SMYD3: variants seen among roughly 807,000 people sequenced by gnomAD.
The protein encoded by SMYD3 is SET and MYND domain containing 3, also known as histone-lysine N-methyltransferase SMYD3.
Under a neutral mutation model 57.7 loss-of-function variants are expected in SMYD3, and 36 were observed. The ratio of observed to expected loss-of-function variants is 0.62; its 90% confidence interval spans 0.48 to 0.82. The LOEUF is 0.82. Among genes scored for constraint, SMYD3 ranks in the 40% least tolerant of loss-of-function variants. The pLI is 0.00. For missense variants in SMYD3, 515 were observed against 538.8 expected (o/e 0.96, Z 0.44); for synonymous variants, 211 against 195.0 (o/e 1.08, Z -0.68).
chr1:245,825,701 G>A (rs188755847), intron 10 of SMYD3, among the ~76,000 whole-genome samples: 15 of 152,256 alleles, frequency 9.9e-5, no homozygotes, highest in Admixed American at 7.2e-4. Context: ...GATGAGCACA[G>A]CAAGAAACAG....
intron 1 of SMYD3, among the ~76,000 whole-genome samples, chr1:246,374,435 G>A (rs1300203835): frequency 1.3e-5 from 2 of 152,124 alleles, no homozygotes; most frequent in Non-Finnish European, 2.9e-5. Context: ...TGCCTTCTCA[G>A]CTCTCACAGT....
intron 5 of SMYD3, among the ~76,000 whole-genome samples, chr1:246,317,662 G>T (rs570675855): frequency 1.3e-5 from 2 of 152,260 alleles, no homozygotes; most frequent in East Asian, 3.9e-4. Context: ...GTGAGGTAAT[G>T]CATATGTTAA....
chr1:246,401,178 GA>G (rs563120804), intron 1 of SMYD3, among the ~76,000 whole-genome samples: 71 of 152,130 alleles, frequency 4.7e-4, no homozygotes, highest in African/African-American at 1.7e-3. Context: ...CTTTCAAATG[GA>G]AAAAAGCTGA....
At chr1:246,278,213 A>G (rs528074210) in intron 5 of SMYD3, among the ~76,000 whole-genome samples, 3 of 150,796 alleles carry the variant, frequency 2.0e-5, no homozygotes, top group African/African-American at 7.3e-5. Context: ...ATGTATGTCG[A>G]TGTCCCTTTC....
intron 1 of SMYD3, among the ~76,000 whole-genome samples, chr1:246,491,762 T>C (rs2103069322): frequency 6.6e-6 from 1 of 152,198 alleles, no homozygotes; most frequent in African/African-American, 2.4e-5. Context: ...TACTATCAGG[T>C]AGGCAGGTGT....
At chr1:246,247,454 T>TATATATATATATATATATATA (rs2063724169) in intron 5 of SMYD3, among the ~76,000 whole-genome samples, 1 of 91,552 alleles carries the variant, frequency 1.1e-5, no homozygotes, top group African/African-American at 4.1e-5. Context: ...ACTCTCTCTC[T>TATATATATATATATATATATA]CTCTCTCTCT....
intron 5 of SMYD3, among the ~76,000 whole-genome samples, chr1:246,029,673 G>GAAAAAA (rs34698516): frequency 1.1e-5 from 1 of 88,146 alleles, no homozygotes; most frequent in Admixed American, 1.4e-4. Context: ...CTCTGTCTCA[G>GAAAAAA]AAAAAAAAAA....
chr1:246,202,953 C>T lies in SMYD3; in HGVS notation c.531+124248G>A, dbSNP rs549847327. ...CCAGCCTGGCCAATATGGGAAAACC[C>T]GTCTCTACTAAAAATACAAAATTTA... On this transcript the variant is annotated intron_variant, in intron 5 of 11. Transcript: ENST00000490107. This position sits in a 1 kb window ranked among gnomAD's most constrained non-coding sequence, Gnocchi z 4.1. 2.0e-5 allele frequency among the ~76,000 whole-genome samples: 3 copies of T among 152,052 alleles called. No individual in the cohort carries two copies. Among genetic ancestry groups the T allele is most frequent in the South Asian group, 2.1e-4 (1 of 4,804 alleles).
intron 8 of SMYD3, among the ~76,000 whole-genome samples, chr1:245,880,406 A>C (rs2052716946): frequency 6.6e-6 from 1 of 152,242 alleles, no homozygotes; most frequent in Admixed American, 6.5e-5. Context: ...TCTTAGGATT[A>C]ACTGATGTCA....
Position 246,459,698 on chromosome 1 carries a change from G to A in SMYD3, c.164+47356C>T, listed in dbSNP as rs1216051962. 3.3e-5 allele frequency among the ~76,000 whole-genome samples: 5 copies of A among 152,122 alleles called. No individual in the cohort carries two copies. In the East Asian group the frequency reaches 9.6e-4, roughly 29 times the overall value. ...AGTTTTTTACAGCAGTGTGAGAACA[G>A]ACTAATACAGGTATCTTATCTGAAA... On this transcript the variant is annotated intron_variant, in intron 1 of 11. Transcript: ENST00000490107.
At chr1:246,105,131 C>T (rs575586134) in intron 5 of SMYD3, among the ~76,000 whole-genome samples, 2 of 152,250 alleles carry the variant, frequency 1.3e-5, no homozygotes, top group Admixed American at 6.5e-5. Flanking sequence ...GATGATGACA[C>T]ATCACCCGAT....
intron 1 of SMYD3, among the ~76,000 whole-genome samples, chr1:246,396,819 CTG>C (rs1558443695): frequency 4.6e-5 from 7 of 152,194 alleles, no homozygotes; most frequent in Admixed American, 3.9e-4. Context: ...AAGCAGAAGA[CTG>C]TATGGCCTAC....
chr1:245,880,041 C>T (rs993774626), intron 8 of SMYD3, among the ~76,000 whole-genome samples: 8 of 151,338 alleles, frequency 5.3e-5, no homozygotes, highest in African/African-American at 1.5e-4. Flanking sequence ...AGCACAGGTG[C>T]GTTGCTGTAC....
chr1:245,962,973 G>A (rs1006523903), intron 5 of SMYD3, among the ~76,000 whole-genome samples: 5 of 152,186 alleles, frequency 3.3e-5, no homozygotes, highest in East Asian at 1.9e-4. Context: ...CTGGATTGCC[G>A]TGCAGTTACT....
intron 1 of SMYD3, among the ~76,000 whole-genome samples, chr1:246,429,289 T>G (rs1437752238): frequency 6.6e-6 from 1 of 152,118 alleles, no homozygotes; most frequent in Admixed American, 6.5e-5. Context: ...GGAATCAAGA[T>G]ATAACCTTAT....
At chr1:245,871,522 T>A (rs183894514) in intron 8 of SMYD3, among the ~76,000 whole-genome samples, 1 of 152,290 alleles carries the variant, frequency 6.6e-6, no homozygotes, top group African/African-American at 2.4e-5. Context: ...GGAAGGAATG[T>A]TCTCAGGTTG....
intron 5 of SMYD3, among the ~76,000 whole-genome samples, chr1:246,288,062 C>CT (rs67603439): frequency 0.018 from 1,174 of 64,170 alleles, 149 homozygotes; most frequent in Non-Finnish European, 0.023. Context: ...TCAGGTAATT[C>CT]TTTTTTTTTT....
intron 5 of SMYD3, among the ~76,000 whole-genome samples, chr1:246,233,262 T>A (rs1204013479): frequency 5.2e-5 from 6 of 114,932 alleles, no homozygotes; most frequent in South Asian, 4.0e-4. Flanking sequence ...CAATCCACAC[T>A]GTGATGAATA....
chr1:246,336,605 G>A (rs992898202), intron 2 of SMYD3, among the ~76,000 whole-genome samples: 1 of 152,098 alleles, frequency 6.6e-6, no homozygotes, highest in Non-Finnish European at 1.5e-5. Context: ...GGGGGAAAAA[G>A]GAAAGCACGC....
Sources: gnomAD v4.1 joint callset for allele counts (sites outside exome capture counted in the v4.1 genomes callset) on GRCh38, gnomAD v4.1.1 for gene constraint, Gnocchi (gnomAD v3.1) non-coding constraint, MANE v1.5 for transcripts, NCBI Gene and HGNC (gene_info 2026-07-23, HGNC 2026-07-21) for gene names.